The following ALPL variants were observed in gnomAD, a reference collection of about 807,000 sequenced individuals.
The protein encoded by ALPL is alkaline phosphatase, tissue-nonspecific isozyme.
In ALPL, 42 loss-of-function variants were observed where a neutral mutation model predicts 51.3. The ratio of observed to expected loss-of-function variants is 0.82; its 90% confidence interval spans 0.64 to 1.06. ALPL has a LOEUF of 1.06. ALPL is among the 50% of genes least tolerant of loss of function. The probability of loss-of-function intolerance (pLI) is 0.00; values close to 1 mark genes in which losing one functional copy is unlikely to be tolerated. For synonymous variants in ALPL, 279 were observed against 296.4 expected (o/e 0.94, Z 0.60); for missense variants, 589 against 709.4 (o/e 0.83, Z 1.93).
At chr1:21,546,267 A>G (rs1644252253) in intron 1 of ALPL, among the ~76,000 whole-genome samples, 2 of 152,170 alleles carry the variant, frequency 1.3e-5, no homozygotes, top group Non-Finnish European at 2.9e-5. Flanking sequence ...TGTTATGGTG[A>G]GGTCAGTGGC....
chr1:21,565,301 C>T (rs1220342698), intron 6 of ALPL, among the ~76,000 whole-genome samples: 1 of 152,222 alleles, frequency 6.6e-6, no homozygotes, highest in Non-Finnish European at 1.5e-5. Context: ...ACTGAACAGA[C>T]ATCTGAGGCC....
intron 7 of ALPL, among the ~76,000 whole-genome samples, chr1:21,569,484 C>T (rs1256329): frequency 0.16 from 24,667 of 151,760 alleles, 2,575 homozygotes; most frequent in Non-Finnish European, 0.24. Flanking sequence ...CTGTGTGCCT[C>T]GGTGCCCTCA....
chr1:21,578,128 A>C lies in ALPL; in HGVS notation c.*480A>C, dbSNP rs138564953. ...GCCCAGCCCTCCTTCAGGGGAGTTG[A>C]GGTCTTTCTCCTCAGGACAAGGCCT... On this transcript the variant is annotated 3_prime_UTR_variant, in exon 12 of 12. Transcript: ENST00000374840. This position sits in a 1 kb window ranked among gnomAD's most constrained non-coding sequence, Gnocchi z 4.2. 2.3e-3 allele frequency: 410 copies of C among 175,666 alleles called. 2 individuals carry two copies. The highest frequency in any genetic ancestry group is 9.3e-3 in the African/African-American group (390 of 42,104). The allele number at this position is 175,666 out of a possible 1,614,324, so 10.9% of individuals were successfully genotyped here. A position where few individuals can be genotyped will look rare whatever the true frequency, so the allele number is the denominator to read the frequency against.
At chr1:21,510,547 C>T (rs565570222) in intron 1 of ALPL, among the ~76,000 whole-genome samples, 49 of 152,208 alleles carry the variant, frequency 3.2e-4, no homozygotes, top group Non-Finnish European at 5.7e-4. Context: ...GGGACCTGCT[C>T]TGACATCTCA....
intron 4 of ALPL, 32 bp downstream of exon 4, chr1:21,561,244 T>C (rs1644481229): frequency 6.5e-7 from 1 of 1,549,658 alleles, no homozygotes; most frequent in East Asian, 2.3e-5. Context: ...AGTTCAGGTC[T>C]GTATATCCAG....
chr1:21,534,759 C>T (rs1441931822), intron 1 of ALPL, among the ~76,000 whole-genome samples: 5 of 152,188 alleles, frequency 3.3e-5, no homozygotes, highest in Non-Finnish European at 7.3e-5. Context: ...AATCCAGTTG[C>T]GCTGGTTGTA....
chr1:21,526,749 G>A (rs926655602), intron 1 of ALPL, among the ~76,000 whole-genome samples: 20 of 152,156 alleles, frequency 1.3e-4, no homozygotes, highest in Non-Finnish European at 2.8e-4. Flanking sequence ...TGAAAAGAAA[G>A]TGTGTTTATG....
At chr1:21,547,620 C>A (rs55662204) in intron 1 of ALPL, among the ~76,000 whole-genome samples, 14,118 of 152,260 alleles carry the variant, frequency 0.093, 945 homozygotes, top group African/African-American at 0.19. Context: ...ATGGAGCAAG[C>A]GGGGCACTCA....
intron 1 of ALPL, among the ~76,000 whole-genome samples, chr1:21,531,975 A>G (rs531112494): frequency 6.7e-6 from 1 of 148,586 alleles, no homozygotes; most frequent in South Asian, 2.1e-4. Context: ...GCCTAGGCTT[A>G]GTGGTATTTT....
At position 21,516,640 on chromosome 1, in the gene ALPL, G is replaced by A. The variant is rs116749069; in HGVS notation, c.-105+7123G>A. On this transcript the variant is annotated intron_variant, in intron 1 of 11. Coordinates refer to ENST00000374840, the MANE Select transcript of ALPL (RefSeq NM_000478.6). ...TCCATTCAAGGCTACTGCTTTCTCC[G>A]TAATGCAAATGACATAACCCATCTT... 1.6e-3 allele frequency among the ~76,000 whole-genome samples: 243 copies of A among 152,226 alleles called. 1 individual carries two copies. Among genetic ancestry groups the A allele is most frequent in the African/African-American group, 5.8e-3 (239 of 41,528 alleles).
chr1:21,554,129 C>T lies in ALPL; in HGVS notation c.48C>T (p.Asn16=), dbSNP rs1039403484. ...LVLAIGTCLT[N]SLVPEKEKDP... ...TGGCCATTGGCACCTGCCTTACTAA[C>T]TCCTTAGTGCCAGGTATGCTTGGGG... Residue 16 remains asparagine (N), a synonymous_variant, in exon 2 of 12, where the codon AAC becomes AAT. Coordinates refer to ENST00000374840, the MANE Select transcript of ALPL (RefSeq NM_000478.6). The T allele has an allele frequency of 1.3e-6, 2 of 1,586,018 alleles. No individual in the cohort carries two copies. The highest frequency in any genetic ancestry group is 1.4e-5 in the African/African-American group (1 of 73,802).
chr1:21,529,550 C>G (rs1644000835), intron 1 of ALPL, among the ~76,000 whole-genome samples: 1 of 152,222 alleles, frequency 6.6e-6, no homozygotes, highest in Non-Finnish European at 1.5e-5. Flanking sequence ...CTGCTTCCTC[C>G]TGGAAGCGTC....
At position 21,573,658 on chromosome 1, in the gene ALPL, T is replaced by C. The variant is rs74063111; in HGVS notation, c.863-7T>C. On this transcript the variant is annotated splice_region_variant and splice_polypyrimidine_tract_variant and intron_variant, in intron 8 of 11. Coordinates refer to ENST00000374840, the MANE Select transcript of ALPL (RefSeq NM_000478.6). ...CAGCATCCACATCCTCCTGGCGTCC[T>C]CCTCAGGTCTCTTCGAGCCAGGGGA... is the stretch of plus-strand genomic sequence containing the variant. 228,594 of 1,609,668 alleles carry C rather than the reference T, an allele frequency of 0.14. 21,059 individuals carry two copies. Among genetic ancestry groups the C allele is most frequent in the East Asian group, 0.5 (22,362 of 44,600 alleles).
At chr1:21,535,598 G>C (rs1375570073) in intron 1 of ALPL, among the ~76,000 whole-genome samples, 4 of 151,942 alleles carry the variant, frequency 2.6e-5, no homozygotes, top group African/African-American at 9.7e-5. Flanking sequence ...CTGAATGACA[G>C]AGCAAGACCC....
At chr1:21,526,321 G>C (rs1314317737) in intron 1 of ALPL, among the ~76,000 whole-genome samples, 1 of 152,032 alleles carries the variant, frequency 6.6e-6, no homozygotes, top group Non-Finnish European at 1.5e-5. Flanking sequence ...TGTATTTTTA[G>C]TAGAAATGGG....
chr1:21,520,870 T>C lies in ALPL; in HGVS notation c.-105+11353T>C, dbSNP rs538590138. Among the ~76,000 whole-genome samples, 48 of 152,312 alleles carry C rather than the reference T, an allele frequency of 3.2e-4. No individual in the cohort carries two copies. In the Middle Eastern group the frequency reaches 0.01, roughly 32 times the overall value. On this transcript the variant is annotated intron_variant, in intron 1 of 11. Coordinates refer to ENST00000374840, the MANE Select transcript of ALPL (RefSeq NM_000478.6). The stretch of plus-strand genomic sequence containing the variant: ...GGCAAGCAACTTGCCTGAGGTAAAA[T>C]TGATGGTAAAACCAGGCCTCAAACT...
At position 21,556,105 on chromosome 1, in the gene ALPL, G is replaced by A. The variant is rs192577731; in HGVS notation, c.61+1963G>A. On this transcript the variant is annotated intron_variant, in intron 2 of 11. Coordinates refer to ENST00000374840, the MANE Select transcript of ALPL (RefSeq NM_000478.6). ...TTGTTTTTCTGTTGGAGATTCACGC[G>A]GAAGTGTTTCCACAGCATGGCATGG... Among the ~76,000 whole-genome samples, 22 of 152,204 alleles carry A rather than the reference G, an allele frequency of 1.4e-4. No individual in the cohort carries two copies. In the East Asian group the frequency reaches 4.2e-3, roughly 29 times the overall value.
At chr1:21,559,272 G>A (rs78530132) in intron 2 of ALPL, among the ~76,000 whole-genome samples, 3,347 of 152,274 alleles carry the variant, frequency 0.022, 119 homozygotes, top group African/African-American at 0.077. Context: ...GGGACAGAGG[G>A]GAGCCCCGCA....
In ALPL at chr1:21,564,081, T is replaced by C; in HGVS notation, c.513T>C (p.His171=). Residue 171 remains histidine, a synonymous_variant, in exon 6 of 12, where the codon CAT becomes CAC. Coordinates refer to ENST00000374840, the MANE Select transcript of ALPL (RefSeq NM_000478.6). This position sits in a 1 kb window ranked among gnomAD's most constrained non-coding sequence, Gnocchi z 5.8. ...VGIVTTTRVN[H]ATPSAAYAHS... ...TTGTGACCACCACGAGAGTGAACCATGCCACCCCCAGCGCCGCCTACGCCC... is the reference window on the plus strand; with the variant it reads ...TTGTGACCACCACGAGAGTGAACCACGCCACCCCCAGCGCCGCCTACGCCC... The C allele has an allele frequency of 6.2e-7, 1 of 1,613,908 alleles. No individual in the cohort carries two copies. Among genetic ancestry groups the C allele is most frequent in the South Asian group, 1.1e-5 (1 of 91,074 alleles).
Sources: allele counts gnomAD v4.1 joint callset (sites outside exome capture counted in the v4.1 genomes callset), GRCh38; gene constraint gnomAD v4.1.1; non-coding constraint Gnocchi (gnomAD v3.1); transcripts MANE v1.5; gene names NCBI Gene and HGNC (gene_info 2026-07-23, HGNC 2026-07-21).